Variants in NEMP2 observed in about 807,000 individuals in gnomAD.
NEMP2 encodes nuclear envelope integral membrane protein 2, also known as UPF0571 transmembrane protein.
In NEMP2, 53 loss-of-function variants were observed where a neutral mutation model predicts 54.2. The ratio of observed to expected loss-of-function variants is 0.98; its 90% CI spans 0.78 to 1.23. The LOEUF (loss-of-function observed/expected upper bound fraction) is 1.23. Among genes scored for constraint, NEMP2 ranks in the 50% most tolerant of loss-of-function variants. NEMP2 has a pLI of 0.00. For missense variants in NEMP2, 455 were observed against 511.3 expected (o/e 0.89, Z 1.06); for synonymous variants, 197 against 190.3 (o/e 1.04, Z -0.29).
the NEMP2 span, among the ~76,000 whole-genome samples, chr2:190,594,515 C>A: frequency 2.0e-5 from 3 of 152,182 alleles, no homozygotes; most frequent in Non-Finnish European, 4.4e-5. This position sits in a 1 kb window ranked among gnomAD's most constrained non-coding sequence, Gnocchi z 5.6. Context: ...AACTATTTAT[C>A]TAACAGCCAT....
At chr2:190,421,844 A>G in the NEMP2 span, among the ~76,000 whole-genome samples, 2 of 152,180 alleles carry the variant, frequency 1.3e-5, no homozygotes, top group Non-Finnish European at 2.9e-5. Context: ...ATGTCTTTAA[A>G]TAAAATTCTT....
the NEMP2 span, among the ~76,000 whole-genome samples, chr2:190,569,285 A>T: frequency 1.2e-4 from 18 of 152,342 alleles, no homozygotes; most frequent in East Asian, 2.5e-3. Context: ...CTAAAAAGAG[A>T]AAAGCTTGAG....
At chr2:190,486,853 C>T in the NEMP2 span, among the ~76,000 whole-genome samples, 2 of 152,140 alleles carry the variant, frequency 1.3e-5, no homozygotes, top group Non-Finnish European at 2.9e-5. Context: ...CCTGTTGTGA[C>T]AATATCTGGT....
chr2:190,454,930 CTGTA>C, the NEMP2 span, among the ~76,000 whole-genome samples: 1 of 120,550 alleles, frequency 8.3e-6, no homozygotes, highest in African/African-American at 3.7e-5. The surrounding 1 kb of genome is among the most constrained non-coding windows in gnomAD (Gnocchi z 4.6). Context: ...TTCCTGGTTT[CTGTA>C]TGTATATGTA....
At chr2:190,605,042 CCATAAA>C in the NEMP2 span, among the ~76,000 whole-genome samples, 2 of 152,292 alleles carry the variant, frequency 1.3e-5, no homozygotes, top group African/African-American at 4.8e-5. Flanking sequence ...ACATACATAT[CCATAAA>C]CATAAACACA....
At chr2:190,625,438 G>A in the NEMP2 span, 1 of 152,170 alleles carries the variant, frequency 6.6e-6, no homozygotes, top group African/African-American at 2.4e-5. Context: ...TTGCAAATAA[G>A]CATAGGGCTT....
At chr2:190,497,140 A>AG in the NEMP2 span, among the ~76,000 whole-genome samples, 1 of 152,174 alleles carries the variant, frequency 6.6e-6, no homozygotes, top group Non-Finnish European at 1.5e-5. This position sits in a 1 kb window ranked among gnomAD's most constrained non-coding sequence, Gnocchi z 5.2. Context: ...AATGGGCCTA[A>AG]GGCAACACTC....
At chr2:190,434,679 C>T in the NEMP2 span, among the ~76,000 whole-genome samples, 2 of 152,216 alleles carry the variant, frequency 1.3e-5, no homozygotes, top group South Asian at 4.2e-4. The surrounding 1 kb of genome is among the most constrained non-coding windows in gnomAD (Gnocchi z 4.3). Context: ...TGATCCGCCC[C>T]CCTCAGCCTC....
the NEMP2 span, among the ~76,000 whole-genome samples, chr2:190,575,858 C>CA: frequency 8.0e-6 from 1 of 124,392 alleles, no homozygotes; most frequent in East Asian, 2.2e-4. Context: ...TCCATCTCAA[C>CA]AAAAAAAAGA....
chr2:190,455,934 C>CCT, the NEMP2 span, among the ~76,000 whole-genome samples: 1 of 65,368 alleles, frequency 1.5e-5, no homozygotes, highest in Non-Finnish European at 2.5e-5. Context: ...ATTTACTCTG[C>CCT]TTTTTTTTTT....
At chr2:190,487,757 A>G in the NEMP2 span, among the ~76,000 whole-genome samples, 1 of 152,220 alleles carries the variant, frequency 6.6e-6, no homozygotes, top group Non-Finnish European at 1.5e-5. The surrounding 1 kb of genome is among the most constrained non-coding windows in gnomAD (Gnocchi z 5.5). Context: ...TCTGGCAAGG[A>G]GGTGGAGAAA....
the NEMP2 span, among the ~76,000 whole-genome samples, chr2:190,562,404 C>T: frequency 1.1e-4 from 16 of 152,312 alleles, no homozygotes; most frequent in African/African-American, 3.6e-4. This position sits in a 1 kb window ranked among gnomAD's most constrained non-coding sequence, Gnocchi z 5.0. Flanking sequence ...CCTCACTTCT[C>T]CATGGAGCAT....
At chr2:190,450,428 C>T in the NEMP2 span, among the ~76,000 whole-genome samples, 1 of 147,218 alleles carries the variant, frequency 6.8e-6, no homozygotes, top group Non-Finnish European at 1.5e-5. Context: ...CTGAAAACAT[C>T]TTTAAATAGT....
the NEMP2 span, among the ~76,000 whole-genome samples, chr2:190,596,336 C>G: frequency 6.6e-6 from 1 of 152,116 alleles, no homozygotes; most frequent in Non-Finnish European, 1.5e-5. This position sits in a 1 kb window ranked among gnomAD's most constrained non-coding sequence, Gnocchi z 5.1. Context: ...CACCATGGCA[C>G]GTGTATACCT....
chr2:190,597,711 G>C, the NEMP2 span, among the ~76,000 whole-genome samples: 99 of 151,498 alleles, frequency 6.5e-4, no homozygotes, highest in Non-Finnish European at 1.1e-3. The surrounding 1 kb of genome is among the most constrained non-coding windows in gnomAD (Gnocchi z 4.7). Flanking sequence ...TGGAATAAAA[G>C]AAACAGTGCC....
chr2:190,549,608 C>T, the NEMP2 span, among the ~76,000 whole-genome samples: 3 of 152,084 alleles, frequency 2.0e-5, no homozygotes, highest in African/African-American at 2.4e-5. Flanking sequence ...AATAAGATTT[C>T]GATGAATAGC....
At chr2:190,568,887 C>T in the NEMP2 span, among the ~76,000 whole-genome samples, 2 of 151,868 alleles carry the variant, frequency 1.3e-5, no homozygotes, top group African/African-American at 4.8e-5. The surrounding 1 kb of genome is among the most constrained non-coding windows in gnomAD (Gnocchi z 4.7). Flanking sequence ...TGTAATATAA[C>T]TATATTGAAA....
the NEMP2 span, among the ~76,000 whole-genome samples, chr2:190,494,067 G>C: frequency 6.6e-6 from 1 of 152,130 alleles, no homozygotes; most frequent in South Asian, 2.1e-4. The surrounding 1 kb of genome is among the most constrained non-coding windows in gnomAD (Gnocchi z 5.7). Context: ...GAAACAAAAA[G>C]CTGGTTGTTT....
chr2:190,462,961 G>C, the NEMP2 span, among the ~76,000 whole-genome samples: 1 of 152,214 alleles, frequency 6.6e-6, no homozygotes, highest in African/African-American at 2.4e-5. This position sits in a 1 kb window ranked among gnomAD's most constrained non-coding sequence, Gnocchi z 5.7. Context: ...CCACCTTCTT[G>C]GGATGGGAAT....
Sources: allele counts gnomAD v4.1 joint callset (sites outside exome capture counted in the v4.1 genomes callset), GRCh38; gene constraint gnomAD v4.1.1; non-coding constraint Gnocchi (gnomAD v3.1); transcripts MANE v1.5; gene names NCBI Gene and HGNC (gene_info 2026-07-23, HGNC 2026-07-21).